SMC5: variants seen among roughly 807,000 people sequenced by gnomAD.
SMC5 encodes structural maintenance of chromosomes 5.
In SMC5, 88 loss-of-function variants were observed where a neutral mutation model predicts 148.3. That is an observed-to-expected ratio of 0.59 (90% CI 0.50 to 0.71). SMC5 has a LOEUF of 0.71. SMC5 is among the 30% of genes least tolerant of loss of function. SMC5 has a pLI of 0.00. For synonymous variants in SMC5, 421 were observed against 432.8 expected (o/e 0.97, Z 0.34); for missense variants, 1,142 against 1,298.9 (o/e 0.88, Z 1.86).
chr9:70,309,523 TTTG>T (rs2035604975), intron 11 of SMC5, among the ~76,000 whole-genome samples: 1 of 151,998 alleles, frequency 6.6e-6, no homozygotes, highest in Admixed American at 6.6e-5. Flanking sequence ...TTCTAAATCA[TTTG>T]TTGTAATTTC....
chr9:70,321,969 A>T lies in SMC5; in HGVS notation c.2151-1514A>T, dbSNP rs189143784. Among the ~76,000 whole-genome samples, 62 of 152,330 alleles carry T rather than the reference A, an allele frequency of 4.1e-4. 1 individual carries two copies. In the East Asian group the frequency reaches 0.012, roughly 29 times the overall value. On this transcript the variant is annotated intron_variant, in intron 15 of 24. Transcript: ENST00000361138. ...ATAGATATTAGTGACATAATCTTTA[A>T]TAATAAGTAACAGCTCATTGTCTTG... is the stretch of plus-strand genomic sequence containing the variant.
intron 11 of SMC5, among the ~76,000 whole-genome samples, chr9:70,307,439 C>T (rs2035534816): frequency 6.6e-6 from 1 of 151,974 alleles, no homozygotes; most frequent in Non-Finnish European, 1.5e-5. Flanking sequence ...TTTTCTTCTC[C>T]TCCATTTATT....
chr9:70,330,011 A>C (rs1386425268), intron 17 of SMC5, among the ~76,000 whole-genome samples: 1 of 152,142 alleles, frequency 6.6e-6, no homozygotes, highest in African/African-American at 2.4e-5. Context: ...CAGTATCATG[A>C]GATCAGCAAG....
At chr9:70,300,304 C>A in intron 10 of SMC5, 104 bp downstream of exon 10, 1 of 1,066,568 alleles carries the variant, frequency 9.4e-7, no homozygotes. Context: ...TTTACATTAT[C>A]AGACTTGTGG....
At chr9:70,321,394 C>CTT (rs11390673) in intron 15 of SMC5, among the ~76,000 whole-genome samples, 9,260 of 135,860 alleles carry the variant, frequency 0.068, 504 homozygotes, top group East Asian at 0.21. Context: ...TGTCAAATGT[C>CTT]TTTTTTTTTT....
intron 9 of SMC5, 128 bp downstream of exon 9, chr9:70,298,349 A>T (rs1257008419): frequency 6.0e-6 from 6 of 1,006,430 alleles, no homozygotes; most frequent in Non-Finnish European, 7.1e-6. Flanking sequence ...AGCTCAACTC[A>T]GTTCTTCCAA....
intron 6 of SMC5, among the ~76,000 whole-genome samples, chr9:70,281,642 T>C (rs1157328147): frequency 6.6e-6 from 1 of 152,212 alleles, no homozygotes; most frequent in Non-Finnish European, 1.5e-5. Flanking sequence ...AGAATGGAAA[T>C]AATTGTTACT....
chr9:70,328,659 G>C (rs1486576229), intron 17 of SMC5, among the ~76,000 whole-genome samples: 2 of 152,188 alleles, frequency 1.3e-5, no homozygotes, highest in Non-Finnish European at 2.9e-5. Flanking sequence ...CACGGTGCAA[G>C]CTGTCAGTGG....
At chr9:70,328,610 T>C (rs144602362) in intron 17 of SMC5, among the ~76,000 whole-genome samples, 106 of 152,302 alleles carry the variant, frequency 7.0e-4, no homozygotes, top group Middle Eastern at 3.4e-3. Context: ...ACAGCTGCTT[T>C]CATGGGCTGA....
At chr9:70,307,309 G>T (rs2035530666) in intron 11 of SMC5, among the ~76,000 whole-genome samples, 1 of 152,032 alleles carries the variant, frequency 6.6e-6, no homozygotes, top group Non-Finnish European at 1.5e-5. Flanking sequence ...GATACTTTGA[G>T]ATTGCAGATA....
chr9:70,297,924 A>G, intron 8 of SMC5, 42 bp from the exon 9 acceptor site: 1 of 1,575,866 alleles, frequency 6.3e-7, no homozygotes, highest in Middle Eastern at 1.7e-4. Flanking sequence ...ATAAACCAAG[A>G]GGAAAACAGT....
At chr9:70,286,472 C>T (rs1035363224) in intron 8 of SMC5, among the ~76,000 whole-genome samples, 1 of 152,112 alleles carries the variant, frequency 6.6e-6, no homozygotes, top group African/African-American at 2.4e-5. Context: ...AAACTACTAG[C>T]AGCTGTGCCT....
rs923040142 is a variant in SMC5, at chr9:70,353,941, C to G, written c.*1610C>G. On this transcript the variant is annotated 3_prime_UTR_variant, in exon 25 of 25. Transcript: ENST00000361138. ...AGTTTGTTTATTGTCTAAATTAGTA[C>G]CAGTCATCTTATTTCTGCAAAATGA... is the stretch of plus-strand genomic sequence containing the variant. 2 of 152,108 alleles carry G rather than the reference C, an allele frequency of 1.3e-5. No homozygotes were observed. Among genetic ancestry groups the G allele is most frequent in the African/African-American group, 2.4e-5 (1 of 41,432 alleles). The allele number at this position is 152,108 out of a possible 1,614,324, so 9.4% of individuals were successfully genotyped here.
rs770523017 is a variant in SMC5 at position 70,315,577 on chromosome 9, G to T, written c.1805G>T (p.Arg602Leu). The T allele has an allele frequency of 2.6e-6, 4 of 1,568,044 alleles. No homozygotes were observed. The highest frequency in any genetic ancestry group is 3.5e-6 in the Non-Finnish European group (4 of 1,156,478). ...GTEKTRERIE[R>L]VIQETRLKQI... ...GAAAAGACCAGAGAAAGAATTGAAC[G>T]GGTAGGAAAGTAGTGAATCATGTAC... The change falls in exon 13 of 25, where the codon CGG (arginine) becomes CTG (leucine). Residue 602 changes from arginine (R) to leucine (L), a missense_variant and splice_region_variant. Coordinates refer to ENST00000361138, the MANE Select transcript of SMC5 (RefSeq NM_015110.4).
chr9:70,319,999 T>G (rs2035904384), intron 15 of SMC5, among the ~76,000 whole-genome samples: 1 of 152,172 alleles, frequency 6.6e-6, no homozygotes, highest in South Asian at 2.1e-4. Context: ...TTATTTTCCT[T>G]GAAATGACAA....
chr9:70,283,234 C>T (rs1267041585), intron 7 of SMC5, among the ~76,000 whole-genome samples: 3 of 152,086 alleles, frequency 2.0e-5, no homozygotes, highest in South Asian at 2.1e-4. Flanking sequence ...GAGGCTGAGG[C>T]GGGCGGATCA....
intron 10 of SMC5, among the ~76,000 whole-genome samples, chr9:70,301,732 C>T (rs528626966): frequency 1.1e-4 from 17 of 152,168 alleles, no homozygotes; most frequent in African/African-American, 3.6e-4. Context: ...TACTTTATAT[C>T]TTTATAATGG....
chr9:70,323,683 G>A (rs2036006309), intron 16 of SMC5, 77 bp downstream of exon 16: 3 of 1,466,026 alleles, frequency 2.0e-6, no homozygotes, highest in South Asian at 2.7e-5. Context: ...TTTAGAGGGA[G>A]GGAAGGTTTT....
chr9:70,346,756 C>A lies in SMC5; in HGVS notation c.2568+107C>A, dbSNP rs573678155. 1.8e-5 allele frequency: 20 copies of A among 1,104,812 alleles called. No homozygotes were observed. In the East Asian group the frequency reaches 4.0e-4, roughly 22 times the overall value. 68.4% of individuals were successfully genotyped at this position (1,104,812 alleles called of 1,614,324 possible). ...GAGATGAATTCTAGGCCTTTGAATT[C>A]TCTTAACTCTCCTGTAGCATGAACT... On this transcript the variant is annotated intron_variant, in intron 19 of 24. Transcript: ENST00000361138.
Sources: gnomAD v4.1 joint callset for allele counts (sites outside exome capture counted in the v4.1 genomes callset) on GRCh38, gnomAD v4.1.1 for gene constraint, MANE v1.5 for transcripts, NCBI Gene and HGNC (gene_info 2026-07-23, HGNC 2026-07-21) for gene names.